The following SLC26A1 variants were observed in gnomAD, a reference collection of about 807,000 sequenced individuals.
SLC26A1 encodes solute carrier family 26 member 1.
A neutral mutation model predicts 14.5 loss-of-function variants in SLC26A1; 18 were observed. The ratio of observed to expected loss-of-function variants is 1.24; its 90% CI spans 0.86 to 1.84. The LOEUF is 1.84. Among genes scored for constraint, SLC26A1 ranks in the 40% most tolerant of loss-of-function variants. SLC26A1 has a pLI of 0.00. For synonymous variants in SLC26A1, 505 were observed against 492.0 expected, an observed-to-expected ratio of 1.03 and a Z score of -0.35; for missense variants, 1,049 against 1,020.0, an observed-to-expected ratio of 1.03 and a Z score of -0.39.
chr4:992,170 G>A (rs1714410893), intron 1 of SLC26A1: 1 of 464,554 alleles, frequency 2.2e-6, no homozygotes, highest in Non-Finnish European at 4.3e-6. Context: ...CACAGTCACT[G>A]GACACAGGTG....
downstream of SLC26A1, chr4:987,192 G>C (rs1433090855): frequency 1.4e-6 from 2 of 1,475,714 alleles, no homozygotes; most frequent in Admixed American, 4.6e-5. Context: ...ATGTGGACGC[G>C]GCCCGCGCGC....
In SLC26A1 at chr4:987,831, G is replaced by A; in HGVS notation, c.*1002C>T. The A allele has an allele frequency of 6.2e-7, 1 of 1,612,484 alleles. No individual in the cohort carries two copies. ...CAGCCCCCCGCTGCCACACAGCCAGGCTGACCAGTACGTCCTCAGCTGGGA... is the reference window on the plus strand; with the variant it reads ...CAGCCCCCCGCTGCCACACAGCCAGACTGACCAGTACGTCCTCAGCTGGGA... On this transcript the variant is annotated 3_prime_UTR_variant, in exon 3 of 3. Transcript: ENST00000398516.
Position 988,655 on chromosome 4 carries a change from C to T in SLC26A1, c.*178G>A, listed in dbSNP as rs563215875. ...TTGATTTCTGAGTGTTTGGGTCCTG[C>T]GTGTGATCAGAGGGCCTCCTTTCCC... On this transcript the variant is annotated 3_prime_UTR_variant, in exon 3 of 3. Coordinates refer to ENST00000398516, the MANE Select transcript of SLC26A1 (RefSeq NM_022042.4). 48 of 1,406,976 alleles carry T rather than the reference C, an allele frequency of 3.4e-5. No homozygotes were observed. Among genetic ancestry groups the T allele is most frequent in the Non-Finnish European group, 4.1e-5 (44 of 1,086,348 alleles). 87.2% of individuals were successfully genotyped at this position (1,406,976 alleles called of 1,614,324 possible). A position where few individuals can be genotyped will look rare whatever the true frequency, so the allele number is the denominator to read the frequency against.
chr4:986,854 G>A (rs929305336), downstream of SLC26A1: 44 of 647,632 alleles, frequency 6.8e-5, no homozygotes, highest in African/African-American at 7.4e-4. Flanking sequence ...CGAGTCATCG[G>A]TCCTCAGAGC....
intron 2 of SLC26A1, among the ~76,000 whole-genome samples, chr4:981,594 C>T (rs572083439): frequency 9.9e-5 from 15 of 152,246 alleles, no homozygotes; most frequent in African/African-American, 2.9e-4. Flanking sequence ...GCCGTGATCG[C>T]GCCACTGCAC....
Position 989,882 on chromosome 4 carries a change from C to G in SLC26A1, c.1057G>C (p.Ala353Pro), listed in dbSNP as rs1347743645. The change falls in exon 3 of 3, where the codon GCC becomes CCC. Residue 353 changes from alanine to proline, a missense_variant. Physicochemically the swap from Ala to Pro is conservative, Grantham distance 27 (BLOSUM62 -1). Transcript: ENST00000398516. ...LDAVALALVA[A>P]AFSISLAEMF... Reference sequence around the variant, plus strand: ...TCCGCCAGCGAGATGGAGAAGGCGGCAGCCACGAGGGCCAGGGCCACGGCA... The same window carrying G: ...TCCGCCAGCGAGATGGAGAAGGCGGGAGCCACGAGGGCCAGGGCCACGGCA... 1 of 1,571,414 alleles carries G rather than the reference C, an allele frequency of 6.4e-7. No individual in the cohort carries two copies. The highest frequency in any genetic ancestry group is 1.3e-5 in the African/African-American group (1 of 74,176).
At chr4:992,096 C>T (rs866846448) in intron 1 of SLC26A1, 1 of 511,014 alleles carries the variant, frequency 2.0e-6, no homozygotes, top group African/African-American at 1.9e-5. Context: ...CTGAAGCTCA[C>T]CTCCCCAACG....
intron 2 of SLC26A1, among the ~76,000 whole-genome samples, chr4:981,979 C>A (rs933305583): frequency 6.6e-6 from 1 of 152,184 alleles, no homozygotes; most frequent in Admixed American, 6.5e-5. Context: ...ACCACCACAC[C>A]CGGCTAATTT....
chr4:988,464 AG>A lies in SLC26A1; in HGVS notation c.*368del. 1 of 1,103,018 alleles carries A rather than the reference AG, an allele frequency of 9.1e-7. No individual in the cohort carries two copies. Among genetic ancestry groups the A allele is most frequent in the Non-Finnish European group, 1.1e-6 (1 of 903,534 alleles). The allele number at this position is 1,103,018 out of a possible 1,614,324, so 68.3% of individuals were successfully genotyped here. On this transcript the variant is annotated 3_prime_UTR_variant, in exon 3 of 3. Coordinates refer to ENST00000398516, the MANE Select transcript of SLC26A1 (RefSeq NM_022042.4). The stretch of plus-strand genomic sequence containing the variant: ...GTGGGCACCGGGCAGGCCTGGGCAT[AG>A]GGAGTCCTCTTGGCACCTTGGAGGC...
intron 1 of SLC26A1, chr4:992,367 A>T (rs968290340): frequency 2.8e-6 from 1 of 363,172 alleles, no homozygotes; most frequent in South Asian, 2.0e-5. Context: ...GGGCTGGCGG[A>T]AGTCTCAGGA....
At chr4:979,252 C>G in exon 3 of SLC26A1, 3 of 602,122 alleles carry the variant, frequency 5.0e-6, no homozygotes, top group Non-Finnish European at 8.9e-6. Flanking sequence ...AGGCTTCTCT[C>G]CTCTGCAGGC....
In SLC26A1 at chr4:991,722, G is replaced by C. The variant is rs755113246; in HGVS notation, c.-19C>G. On this transcript the variant is annotated 5_prime_UTR_variant, in exon 2 of 3. Coordinates refer to ENST00000398516, the MANE Select transcript of SLC26A1 (RefSeq NM_022042.4). ...CGTCCATCCTGTTGCGTCAGGTCCC[G>C]TGGCCGACCTGCGGCCGAGAAGAGG... is the stretch of plus-strand genomic sequence containing the variant. The C allele has an allele frequency of 1.3e-6, 2 of 1,534,150 alleles. No homozygotes were observed. The highest frequency in any genetic ancestry group is 2.5e-5 in the South Asian group (2 of 81,302).
At chr4:990,844 G>A (rs1315807364) in intron 2 of SLC26A1, 1 of 474,818 alleles carries the variant, frequency 2.1e-6, no homozygotes, top group African/African-American at 2.0e-5. Flanking sequence ...CCTCAGTCCA[G>A]CACCACTGAG....
At chr4:979,131 A>G (rs1004139485) in exon 3 of SLC26A1, 5 of 302,200 alleles carry the variant, frequency 1.7e-5, no homozygotes, top group African/African-American at 1.1e-4. Context: ...CCTCAGGCCC[A>G]CTAGCATGGC....
At position 987,824 on chromosome 4, in the gene SLC26A1, C is replaced by T. The variant is rs769869439; in HGVS notation, c.*1009G>A. 6.2e-7 allele frequency: 1 copy of T among 1,612,502 alleles called. No individual in the cohort carries two copies. Among genetic ancestry groups the T allele is most frequent in the Non-Finnish European group, 8.5e-7 (1 of 1,179,880 alleles). ...TTGTCCCCAGCCCCCCGCTGCCACA[C>T]AGCCAGGCTGACCAGTACGTCCTCA... is the stretch of plus-strand genomic sequence containing the variant. On this transcript the variant is annotated 3_prime_UTR_variant, in exon 3 of 3. Transcript: ENST00000398516.
rs148200047 is a variant in SLC26A1, at chr4:989,154, C to G, written c.1785G>C (p.Pro595=). 1 of 1,607,656 alleles carries G rather than the reference C, an allele frequency of 6.2e-7. No homozygotes were observed. The highest frequency in any genetic ancestry group is 1.3e-5 in the African/African-American group (1 of 74,884). ...GCACCAGCGCAGCCCTGGTGCTAACCGGGCCCAGGTCCTCGCCCTGGGCAG... is the reference window on the plus strand; with the variant it reads ...GCACCAGCGCAGCCCTGGTGCTAACGGGGCCCAGGTCCTCGCCCTGGGCAG... ...GGPAQGEDLG[P]VSTRAALVPA... is the part of the protein sequence containing the mutation. The change falls in exon 3 of 3, where the codon CCG becomes CCC. Residue 595 remains proline (P), a synonymous_variant. Coordinates refer to ENST00000398516, the MANE Select transcript of SLC26A1 (RefSeq NM_022042.4).
downstream of SLC26A1, among the ~76,000 whole-genome samples, chr4:984,529 G>GT (rs1713641145): frequency 6.6e-6 from 1 of 152,146 alleles, no homozygotes; most frequent in Non-Finnish European, 1.5e-5. Context: ...TCATTGAGTC[G>GT]TTTAATAATT....
At chr4:986,727 A>G (rs914976564), downstream of SLC26A1, 7 of 463,520 alleles carry the variant, frequency 1.5e-5, no homozygotes, top group African/African-American at 1.2e-4. Flanking sequence ...ACTGCACCTC[A>G]GCCTGGGCGA....
At chr4:980,875 G>A (rs1713518226) in intron 2 of SLC26A1, among the ~76,000 whole-genome samples, 1 of 151,904 alleles carries the variant, frequency 6.6e-6, no homozygotes, top group African/African-American at 2.4e-5. Context: ...GGAAAAAACA[G>A]CAACTGCCTA....
Sources: gnomAD v4.1 joint callset for allele counts (sites outside exome capture counted in the v4.1 genomes callset) on GRCh38, gnomAD v4.1.1 for gene constraint, MANE v1.5 for transcripts, NCBI Gene and HGNC (gene_info 2026-07-23, HGNC 2026-07-21) for gene names.